The following AP5B1 variants were observed in gnomAD, a reference collection of about 807,000 sequenced individuals.
AP5B1 encodes AP-5 complex subunit beta-1.
AP5B1 carries 3 observed loss-of-function variants against 5.7 expected under a neutral mutation model. The observed-to-expected ratio is 0.53, with a 90% CI of 0.24 to 1.36. AP5B1 has a LOEUF of 1.36. Among genes scored for constraint, AP5B1 ranks in the 40% most tolerant of loss-of-function variants. AP5B1 has a pLI of 0.17. For synonymous variants in AP5B1, 696 were observed against 555.5 expected (o/e 1.25, Z -3.56); for missense variants, 1,310 against 1,143.2 (o/e 1.15, Z -2.10).
chr11:65,777,220 C>T lies in AP5B1; in HGVS notation c.*636G>A, dbSNP rs1350001378. On this transcript the variant is annotated 3_prime_UTR_variant, in exon 2 of 2. Coordinates refer to ENST00000532090, the MANE Select transcript of AP5B1 (RefSeq NM_138368.5). ...CTGAGTGGCCTTGGGCAAGGCCAGA[C>T]CCTCTCTGGGAAGCAGAAAGGAGAT... The T allele has an allele frequency of 6.6e-6, 1 of 152,388 alleles. No homozygotes were observed. Among genetic ancestry groups the T allele is most frequent in the East Asian group, 1.9e-4 (1 of 5,196 alleles). The allele number at this position is 152,388 out of a possible 1,614,324, so 9.4% of individuals were successfully genotyped here.
chr11:65,778,795 G>C lies in AP5B1; in HGVS notation c.1698C>G (p.His566Gln). The stretch of plus-strand genomic sequence containing the variant: ...CCTGCTGTAGGTCCCAGTTCGTGCA[G>C]TGGGCAGCCGCGGCCTGTAGAAAGT... Reference protein sequence around the residue: ...TLNFLQAAAAHCTNWDLQQGL... With the variant: ...TLNFLQAAAAQCTNWDLQQGL... The change falls in exon 2 of 2, where the codon CAC becomes CAG. Residue 566 changes from histidine (H) to glutamine (Q), a missense_variant. Physicochemically the swap from His to Gln is conservative, Grantham distance 24 (BLOSUM62 0). Transcript: ENST00000532090. 6.2e-7 allele frequency: 1 copy of C among 1,611,606 alleles called. No individual in the cohort carries two copies. Among genetic ancestry groups the C allele is most frequent in the Non-Finnish European group, 8.5e-7 (1 of 1,179,288 alleles).
Position 65,777,918 on chromosome 11 carries a change from C to G in AP5B1, c.2575G>C (p.Asp859His), listed in dbSNP as rs1392265588. ...GCCAGGGGCAGCACGGCCCAGTCAT[C>G]GGTCCGCAGGGCCACAGGCACTCCA... ...ADGVPVALRT[D>H]DWAVLPLAGD... The change falls in exon 2 of 2, where the codon GAT becomes CAT. Residue 859 changes from aspartate to histidine, a missense_variant. Transcript: ENST00000532090. 4.5e-6 allele frequency: 7 copies of G among 1,558,326 alleles called. No homozygotes were observed. Among genetic ancestry groups the G allele is most frequent in the Non-Finnish European group, 6.1e-6 (7 of 1,151,880 alleles).
chr11:65,780,154 G>C lies in AP5B1; in HGVS notation c.339C>G (p.Thr113=). 1 of 1,478,082 alleles carries C rather than the reference G, an allele frequency of 6.8e-7. No individual in the cohort carries two copies. Among genetic ancestry groups the C allele is most frequent in the South Asian group, 1.4e-5 (1 of 72,662 alleles). The allele number at this position is 1,478,082 out of a possible 1,614,324, so 91.6% of individuals were successfully genotyped here. Residue 113 remains threonine (T), a synonymous_variant, in exon 2 of 2, where the codon ACC becomes ACG. Coordinates refer to ENST00000532090, the MANE Select transcript of AP5B1 (RefSeq NM_138368.5). Reference sequence around the variant, plus strand: ...GCAGGAGCCGGCAGGAGGCGCCCGAGGTGGGGCCCAGCGCGCCGCCCGCCG... The same window carrying C: ...GCAGGAGCCGGCAGGAGGCGCCCGACGTGGGGCCCAGCGCGCCGCCCGCCG... The part of the protein sequence containing the change: ...ALAAGGALGP[T]SGASCRLLPL...
In AP5B1 at chr11:65,777,025, G is replaced by A. The variant is rs933080125; in HGVS notation, c.*831C>T. 3 of 152,194 alleles carry A rather than the reference G, an allele frequency of 2.0e-5. No individual in the cohort carries two copies. The highest frequency in any genetic ancestry group is 7.2e-5 in the African/African-American group (3 of 41,404). 9.4% of individuals were successfully genotyped at this position (152,194 alleles called of 1,614,324 possible). ...ACTCGGAGGCAGGCTGAGATGGGAG[G>A]ATCACCTGAGCCTGAGAGGCAGAGT... On this transcript the variant is annotated 3_prime_UTR_variant, in exon 2 of 2. Coordinates refer to ENST00000532090, the MANE Select transcript of AP5B1 (RefSeq NM_138368.5).
rs1316792497 is a variant in AP5B1 at position 65,774,449 on chromosome 11, T to TCATCCAGGCTGGAGTGTAGTGGCC, written c.*3383_*3406dup. 1.3e-4 allele frequency among the ~76,000 whole-genome samples: 20 copies of TCATCCAGGCTGGAGTGTAGTGGCC among 152,178 alleles called. No homozygotes were observed. The highest frequency in any genetic ancestry group is 4.4e-5 in the Non-Finnish European group (3 of 68,040). On this transcript the variant is annotated 3_prime_UTR_variant, in exon 2 of 2. Coordinates refer to ENST00000532090, the MANE Select transcript of AP5B1 (RefSeq NM_138368.5). ...TTTTTTGAGACGGAGTCCTGCTCTG[T>TCATCCAGGCTGGAGTGTAGTGGCC]CATCCAGGCTGGAGTGTAGTGGCCC...
In AP5B1 at chr11:65,778,198, G is replaced by A. The variant is rs1433297728; in HGVS notation, c.2295C>T (p.Asp765=). The change falls in exon 2 of 2, where the codon GAC becomes GAT. Residue 765 remains aspartate, a synonymous_variant. Transcript: ENST00000532090. ...HLPPLFVNFA[D]LFLPFPQPPE... is the part of the protein sequence containing the mutation. ...GAGGCTGCGGGAAAGGCAGAAAGAG[G>A]TCGGCAAAGTTCACGAACAGGGGTG... The A allele has an allele frequency of 1.9e-6, 3 of 1,613,180 alleles. No individual in the cohort carries two copies. In the African/African-American group the frequency reaches 4.0e-5, roughly 22 times the overall value.
rs1384465770 is a variant in AP5B1 at position 65,780,526 on chromosome 11, G to A, written c.66C>T (p.Ala22=). 4.6e-6 allele frequency: 7 copies of A among 1,515,672 alleles called. No individual in the cohort carries two copies. In the African/African-American group the frequency reaches 5.7e-5, roughly 12 times the overall value. The allele number at this position is 1,515,672 out of a possible 1,614,324, so 93.9% of individuals were successfully genotyped here. Residue 22 remains alanine, a synonymous_variant, in exon 1 of 2, where the codon GCC becomes GCT. Coordinates refer to ENST00000532090, the MANE Select transcript of AP5B1 (RefSeq NM_138368.5). ...CCTCCCCCTCGGGACCTGCCATGAA[G>A]GCAGACGGGCTGGCCCGGAAGGCCC... is the stretch of plus-strand genomic sequence containing the variant. ...RLGAFRASPS[A]FMAGPEGEDL...
chr11:65,779,213 T>G lies in AP5B1; in HGVS notation c.1280A>C (p.Glu427Ala). 6.2e-7 allele frequency: 1 copy of G among 1,604,634 alleles called. No individual in the cohort carries two copies. The highest frequency in any genetic ancestry group is 8.5e-7 in the Non-Finnish European group (1 of 1,175,436). ...HLLCLLCAEE[E>A]EEEKGQLPSP... The stretch of plus-strand genomic sequence containing the variant: ...TGGAAGCTGGCCTTTCTCCTCTTCT[T>G]CCTCCTCGGCACAGAGCAGGCACAG... The change falls in exon 2 of 2, where the codon GAA (glutamate) becomes GCA (alanine). Residue 427 changes from glutamate (E) to alanine (A), a missense_variant. Coordinates refer to ENST00000532090, the MANE Select transcript of AP5B1 (RefSeq NM_138368.5).
In AP5B1 at chr11:65,778,166, C is replaced by T; in HGVS notation, c.2327G>A (p.Gly776Glu). Reference sequence around the variant, plus strand: ...CTCCTCAAAGAAGCCCAGCCCGGCCCCCTCTGGAGGCTGCGGGAAAGGCAG... The same window carrying T: ...CTCCTCAAAGAAGCCCAGCCCGGCCTCCTCTGGAGGCTGCGGGAAAGGCAG... Reference protein sequence around the residue: ...LFLPFPQPPEGAGLGFFEELW... With the variant: ...LFLPFPQPPEEAGLGFFEELW... The change falls in exon 2 of 2, where the codon GGG (glycine) becomes GAG (glutamate). Residue 776 changes from glycine (G) to glutamate (E), a missense_variant. By Grantham distance (98) the Gly-to-Glu change is moderately conservative. Transcript: ENST00000532090. 6.2e-7 allele frequency: 1 copy of T among 1,612,982 alleles called. No individual in the cohort carries two copies. The highest frequency in any genetic ancestry group is 8.5e-7 in the Non-Finnish European group (1 of 1,179,884).
Position 65,780,448 on chromosome 11 carries a change from C to G in AP5B1, c.144G>C (p.Gln48His). The G allele has an allele frequency of 1.3e-6, 2 of 1,514,416 alleles. No homozygotes were observed. Among genetic ancestry groups the G allele is most frequent in the Non-Finnish European group, 1.8e-6 (2 of 1,137,792 alleles). The allele number at this position is 1,514,416 out of a possible 1,614,324, so 93.8% of individuals were successfully genotyped here. ...SDLRSEKLSE[Q>H]TKVSLLALSM... ...GGGACGCGTGGGGGCCTACCTTGGT[C>G]TGTTCGCTCAGCTTCTCACTTCTCA... Residue 48 changes from glutamine to histidine, a missense_variant, in exon 1 of 2, where the codon CAG becomes CAC. Coordinates refer to ENST00000532090, the MANE Select transcript of AP5B1 (RefSeq NM_138368.5).
chr11:65,779,092 C>T lies in AP5B1; in HGVS notation c.1401G>A (p.Gln467=), dbSNP rs1312123171. ...GGCAGCAGGCCACCAGATACGAGGC[C>T]TGGAAGCAGAGAGTGGCCAAGGCCC... ...GPRALATLCF[Q]ASYLVACCLA... The change falls in exon 2 of 2, where the codon CAG becomes CAA. Residue 467 remains glutamine, a synonymous_variant. Coordinates refer to ENST00000532090, the MANE Select transcript of AP5B1 (RefSeq NM_138368.5). 1.9e-6 allele frequency: 3 copies of T among 1,608,902 alleles called. No homozygotes were observed. The highest frequency in any genetic ancestry group is 1.7e-6 in the Non-Finnish European group (2 of 1,178,310).
At position 65,774,716 on chromosome 11, in the gene AP5B1, C is replaced by G. The variant is rs1423834963; in HGVS notation, c.*3140G>C. The stretch of plus-strand genomic sequence containing the variant: ...GAGCCACCGCCCCCGGCCCTTGACT[C>G]CCTTCACATTTCATTAGCCAGAGCT... On this transcript the variant is annotated 3_prime_UTR_variant, in exon 2 of 2. Transcript: ENST00000532090. Among the ~76,000 whole-genome samples, 1 of 152,160 alleles carries G rather than the reference C, an allele frequency of 6.6e-6. No individual in the cohort carries two copies. The highest frequency in any genetic ancestry group is 6.5e-5 in the Admixed American group (1 of 15,280).
Position 65,778,114 on chromosome 11 carries a change from A to G in AP5B1, c.2379T>C (p.Gly793=). The G allele has an allele frequency of 6.2e-7, 1 of 1,612,754 alleles. No individual in the cohort carries two copies. Among genetic ancestry groups the G allele is most frequent in the Non-Finnish European group, 8.5e-7 (1 of 1,179,848 alleles). Residue 793 remains glycine, a synonymous_variant, in exon 2 of 2, where the codon GGT becomes GGC. Transcript: ENST00000532090. ...GTGGACACCACACACGACTCTCAGC[A>G]CCCTCTGGCAGGCAGGAATCCCAGA... is the stretch of plus-strand genomic sequence containing the variant. ...EELWDSCLPE[G]AESRVWCPLG... is the part of the protein sequence containing the mutation.
At position 65,780,773 on chromosome 11, in the gene AP5B1, G is replaced by C; in HGVS notation, c.-182C>G. 1 of 522,384 alleles carries C rather than the reference G, an allele frequency of 1.9e-6. No individual in the cohort carries two copies. The highest frequency in any genetic ancestry group is 2.9e-6 in the Non-Finnish European group (1 of 344,310). The allele number at this position is 522,384 out of a possible 1,614,324, so 32.4% of individuals were successfully genotyped here. A position where few individuals can be genotyped will look rare whatever the true frequency, so the allele number is the denominator to read the frequency against. On this transcript the variant is annotated 5_prime_UTR_variant, in exon 1 of 2. Transcript: ENST00000532090. ...GGCTCTCGGGGCCGACGCCAGAGCT[G>C]GGCGCCGGGGCCCTCGCGGGACAGG...
Position 65,779,271 on chromosome 11 carries a change from C to T in AP5B1, c.1222G>A (p.Asp408Asn). 1 of 1,595,946 alleles carries T rather than the reference C, an allele frequency of 6.3e-7. No individual in the cohort carries two copies. The highest frequency in any genetic ancestry group is 8.5e-7 in the Non-Finnish European group (1 of 1,170,396). ...AGGCGGGCCAGGAGGGCCATTGGGT[C>T]ATGCAGGAGACTGGGCAGGAGACCA... ...CRGLLPSLLH[D>N]PMALLARLHL... The change falls in exon 2 of 2, where the codon GAC (aspartate) becomes AAC (asparagine). Residue 408 changes from aspartate (D) to asparagine (N), a missense_variant. Coordinates refer to ENST00000532090, the MANE Select transcript of AP5B1 (RefSeq NM_138368.5).
In AP5B1 at chr11:65,779,332, C is replaced by T; in HGVS notation, c.1161G>A (p.Glu387=). The T allele has an allele frequency of 1.3e-6, 2 of 1,596,874 alleles. No homozygotes were observed. Among genetic ancestry groups the T allele is most frequent in the Non-Finnish European group, 1.7e-6 (2 of 1,170,790 alleles). Reference sequence around the variant, plus strand: ...GGGGCCCTAGCAGCAGTGGGGCAGCCTCCTCACCTTCAGGGCCCAGCGGCC... The same window carrying T: ...GGGGCCCTAGCAGCAGTGGGGCAGCTTCCTCACCTTCAGGGCCCAGCGGCC... ...ENWPLGPEGE[E]AAPLLLGPQL... is the part of the protein sequence containing the mutation. Residue 387 remains glutamate, a synonymous_variant, in exon 2 of 2, where the codon GAG becomes GAA. Coordinates refer to ENST00000532090, the MANE Select transcript of AP5B1 (RefSeq NM_138368.5).
At position 65,778,813 on chromosome 11, in the gene AP5B1, T is replaced by C. The variant is rs903232775; in HGVS notation, c.1680A>G (p.Leu560=). Residue 560 remains leucine (L), a synonymous_variant, in exon 2 of 2, where the codon CTA becomes CTG. Coordinates refer to ENST00000532090, the MANE Select transcript of AP5B1 (RefSeq NM_138368.5). ...TCGTGCAGTGGGCAGCCGCGGCCTG[T>C]AGAAAGTTGAGGGTAGCACTCTGGG... ...GDAQSATLNF[L]QAAAAHCTNW... The C allele has an allele frequency of 2.9e-5, 46 of 1,611,272 alleles. No homozygotes were observed. Among genetic ancestry groups the C allele is most frequent in the Non-Finnish European group, 3.6e-5 (42 of 1,179,066 alleles).
At position 65,779,308 on chromosome 11, in the gene AP5B1, G is replaced by A; in HGVS notation, c.1185C>T (p.Pro395=). ...GEEAAPLLLG[P]QLCRGLLPSL... is the part of the protein sequence containing the mutation. The stretch of plus-strand genomic sequence containing the variant: ...TGGGCAGGAGACCACGGCATAGCTG[G>A]GGCCCTAGCAGCAGTGGGGCAGCCT... Residue 395 remains proline, a synonymous_variant, in exon 2 of 2, where the codon CCC becomes CCT. Transcript: ENST00000532090. 6.3e-7 allele frequency: 1 copy of A among 1,599,344 alleles called. No homozygotes were observed. Among genetic ancestry groups the A allele is most frequent in the East Asian group, 2.2e-5 (1 of 44,748 alleles).
In AP5B1 at chr11:65,780,563, G is replaced by GC; in HGVS notation, c.28dup (p.Ala10GlyfsTer34). 1 of 1,490,424 alleles carries GC rather than the reference G, an allele frequency of 6.7e-7. No homozygotes were observed. The highest frequency in any genetic ancestry group is 8.9e-7 in the Non-Finnish European group (1 of 1,125,138). The allele number at this position is 1,490,424 out of a possible 1,614,324, so 92.3% of individuals were successfully genotyped here. On this transcript the variant is annotated frameshift_variant, in exon 1 of 2. Coordinates refer to ENST00000532090, the MANE Select transcript of AP5B1 (RefSeq NM_138368.5). LOFTEE classifies it high-confidence loss of function. ...GGCCCGGAAGGCCCCCAAGCGCTGG[G>GC]CCCAGGCGTCCCGGCTCAGGGGCCC...
Sources: gnomAD v4.1 joint callset for allele counts (sites outside exome capture counted in the v4.1 genomes callset) on GRCh38, gnomAD v4.1.1 for gene constraint, MANE v1.5 for transcripts, NCBI Gene and HGNC (gene_info 2026-07-23, HGNC 2026-07-21) for gene names.